Variants in PCDHGA3 observed in about 807,000 individuals in gnomAD.
The protein encoded by PCDHGA3 is protocadherin gamma-A3.
In PCDHGA3, 40 loss-of-function variants were observed where a neutral mutation model predicts 58.5. The observed-to-expected ratio is 0.68, with a 90% CI of 0.53 to 0.89. The LOEUF (loss-of-function observed/expected upper bound fraction) is 0.89. Ranked by LOEUF, PCDHGA3 falls within the 40% of genes least tolerant of loss-of-function variation. The probability of loss-of-function intolerance (pLI) is 0.00; values close to 1 mark genes in which losing one functional copy is unlikely to be tolerated. For missense variants in PCDHGA3, 1,223 were observed against 1,195.9 expected (o/e 1.02, Z -0.33); for synonymous variants, 530 against 525.7 (o/e 1.01, Z -0.11).
intron 1 of PCDHGA3, among the ~76,000 whole-genome samples, chr5:141,380,002 C>A (rs1238165554): frequency 6.9e-6 from 1 of 143,940 alleles, no homozygotes; most frequent in Non-Finnish European, 1.5e-5. Flanking sequence ...TGGGTTCAAG[C>A]GATTCTCCTG....
chr5:141,349,127 G>C (rs557742918), intron 1 of PCDHGA3, among the ~76,000 whole-genome samples: 1 of 152,292 alleles, frequency 6.6e-6, no homozygotes, highest in South Asian at 2.1e-4. Flanking sequence ...ATGGACTTCA[G>C]TGGCATGATC....
chr5:141,396,274 C>G (rs2093362401), intron 1 of PCDHGA3: 2 of 152,252 alleles, frequency 1.3e-5, no homozygotes, highest in African/African-American at 2.4e-5. Flanking sequence ...GAGCTATGAT[C>G]ATGCCACTGC....
At chr5:141,452,881 T>A (rs1273440996) in intron 1 of PCDHGA3, among the ~76,000 whole-genome samples, 1 of 152,166 alleles carries the variant, frequency 6.6e-6, no homozygotes, top group African/African-American at 2.4e-5. Context: ...TTTGTAATAA[T>A]TTATTCCACT....
chr5:141,418,018 T>C, intron 1 of PCDHGA3: 1 of 1,613,868 alleles, frequency 6.2e-7, no homozygotes, highest in Non-Finnish European at 8.5e-7. Flanking sequence ...TCGCTAAGGA[T>C]CTAGGGCTTA....
intron 1 of PCDHGA3, among the ~76,000 whole-genome samples, chr5:141,359,079 T>G (rs1279133095): frequency 1.3e-5 from 2 of 151,956 alleles, no homozygotes; most frequent in African/African-American, 4.8e-5. Context: ...CAAAGGAGAG[T>G]TTTAGTTTCT....
At chr5:141,350,452 G>A in intron 1 of PCDHGA3, 3 of 1,612,026 alleles carry the variant, frequency 1.9e-6, no homozygotes, top group Non-Finnish European at 2.5e-6. Flanking sequence ...CTCGAAAACT[G>A]CGGGTTAGTG....
At chr5:141,392,728 G>A in intron 1 of PCDHGA3, 3 of 1,407,730 alleles carry the variant, frequency 2.1e-6, no homozygotes, top group Non-Finnish European at 2.8e-6. Flanking sequence ...CCGGAGGATT[G>A]TCATCTCCAT....
chr5:141,405,583 T>C (rs868246551), intron 1 of PCDHGA3: 1 of 588,746 alleles, frequency 1.7e-6, no homozygotes. Flanking sequence ...TAGCTGGGAC[T>C]ACAGGCCTCC....
At chr5:141,395,347 C>T in intron 1 of PCDHGA3, 1 of 1,392,780 alleles carries the variant, frequency 7.2e-7, no homozygotes, top group Non-Finnish European at 9.5e-7. Flanking sequence ...TAAGGTGTAT[C>T]ACAGAGTTTT....
intron 1 of PCDHGA3, chr5:141,420,414 T>C: frequency 8.2e-7 from 1 of 1,221,674 alleles, no homozygotes; most frequent in Non-Finnish European, 1.1e-6. Flanking sequence ...GTTATCATTA[T>C]TAAAACAAAA....
chr5:141,438,471 A>C (rs1019238906), intron 1 of PCDHGA3, among the ~76,000 whole-genome samples: 4 of 151,396 alleles, frequency 2.6e-5, no homozygotes, highest in Admixed American at 2.6e-4. Flanking sequence ...CAATTATTGG[A>C]AAGTGGTCTC....
intron 1 of PCDHGA3, chr5:141,420,388 A>G (rs986892784): frequency 3.1e-6 from 4 of 1,282,144 alleles, no homozygotes; most frequent in Non-Finnish European, 4.1e-6. Context: ...TTCGCAAAAT[A>G]TAGGTCAAAT....
chr5:141,451,806 A>G (rs145650418), intron 1 of PCDHGA3, among the ~76,000 whole-genome samples: 6,855 of 150,824 alleles, frequency 0.045, 259 homozygotes, highest in African/African-American at 0.1. Context: ...GCTTGAACCC[A>G]GGAGGCGGAG....
intron 1 of PCDHGA3, chr5:141,350,142 T>A: frequency 2.4e-6 from 2 of 831,992 alleles, no homozygotes; most frequent in Non-Finnish European, 3.4e-6. Flanking sequence ...ACGCTGCTCC[T>A]GTTCACCCTC....
intron 1 of PCDHGA3, chr5:141,421,344 G>A: frequency 6.2e-7 from 1 of 1,613,976 alleles, no homozygotes; most frequent in Non-Finnish European, 8.5e-7. Context: ...TGCCAGAAGA[G>A]ACCGAAAAGG....
chr5:141,364,612 G>C (rs1260914671), intron 1 of PCDHGA3: 7 of 1,614,178 alleles, frequency 4.3e-6, no homozygotes, highest in Non-Finnish European at 5.9e-6. Context: ...ACCGGGAGGA[G>C]CTCTGCGCTC....
At chr5:141,389,787 G>C (rs761543632) in intron 1 of PCDHGA3, 3 of 1,613,328 alleles carry the variant, frequency 1.9e-6, no homozygotes, top group Non-Finnish European at 2.5e-6. Context: ...CGACAGGGAC[G>C]CCGTCCGCCA....
rs756503177 is a variant in PCDHGA3 at position 141,364,980 on chromosome 5, G to A, written c.2424+18523G>A. ...GACCTCCTCCTCACAGCTTTAGATG[G>A]CGGAGACCCGGTACTCTCCGGCACC... On this transcript the variant is annotated intron_variant, in intron 1 of 3. Coordinates refer to ENST00000253812, the MANE Select transcript of PCDHGA3 (RefSeq NM_018916.4). 6 of 1,613,754 alleles carry A rather than the reference G, an allele frequency of 3.7e-6. No homozygotes were observed. The African/African-American group carries it at 4.0e-5, about 11-fold the overall frequency.
In PCDHGA3 at chr5:141,364,165, C is replaced by A. The variant is rs556224229; in HGVS notation, c.2424+17708C>A. ...GGAAAGAAGCTGCCGCAGAGGCGAC[C>A]CGACTCTGCTCCCTCCATACTAAAC... On this transcript the variant is annotated intron_variant, in intron 1 of 3. Coordinates refer to ENST00000253812, the MANE Select transcript of PCDHGA3 (RefSeq NM_018916.4). The A allele has an allele frequency of 4.3e-6, 3 of 699,866 alleles. No individual in the cohort carries two copies. In the Admixed American group the frequency reaches 1.1e-4, roughly 26 times the overall value. 43.4% of individuals were successfully genotyped at this position (699,866 alleles called of 1,614,324 possible).
Sources: gnomAD v4.1 joint callset for allele counts (sites outside exome capture counted in the v4.1 genomes callset) on GRCh38, gnomAD v4.1.1 for gene constraint, MANE v1.5 for transcripts, NCBI Gene and HGNC (gene_info 2026-07-23, HGNC 2026-07-21) for gene names.